The following HDAC4 variants were observed in gnomAD, a reference collection of about 807,000 sequenced individuals.
HDAC4 encodes histone deacetylase A.
A neutral mutation model predicts 135.1 loss-of-function variants in HDAC4; 16 were observed. The observed-to-expected ratio is 0.12, with a 90% confidence interval of 0.08 to 0.18. HDAC4 has a LOEUF of 0.18. Ranked by LOEUF, HDAC4 falls within the 10% of genes least tolerant of loss-of-function variation. The probability of loss-of-function intolerance (pLI) is 1.00; values close to 1 mark genes in which losing one functional copy is unlikely to be tolerated. For missense variants in HDAC4, 1,143 were observed against 1,511.8 expected, an observed-to-expected ratio of 0.76 and a Z score of 4.05; for synonymous variants, 685 against 653.4, an observed-to-expected ratio of 1.05 and a Z score of -0.74.
chr2:239,199,827 G>A (rs541771908), intron 3 of HDAC4, among the ~76,000 whole-genome samples: 6 of 151,820 alleles, frequency 4.0e-5, no homozygotes, highest in African/African-American at 9.7e-5. Context: ...TCCGCCTCCC[G>A]GGCTCACGCC....
At position 239,115,257 on chromosome 2, in the gene HDAC4, C is replaced by T; in HGVS notation, c.1587G>A (p.Glu529=). The part of the protein sequence containing the change: ...PARQPESHPE[E]TEEELREHQA... Reference sequence around the variant, plus strand: ...GGTGCTCACGGAGCTCCTCCTCCGTCTCCTCCGGGTGGCTCTCCGGCTGCC... The same window carrying T: ...GGTGCTCACGGAGCTCCTCCTCCGTTTCCTCCGGGTGGCTCTCCGGCTGCC... Residue 529 remains glutamate (E), a synonymous_variant, in exon 13 of 27, where the codon GAG becomes GAA. Transcript: ENST00000543185. The surrounding 1 kb of genome is among the most constrained non-coding windows in gnomAD (Gnocchi z 6.3). 6.2e-7 allele frequency: 1 copy of T among 1,613,244 alleles called. No homozygotes were observed. Among genetic ancestry groups the T allele is most frequent in the South Asian group, 1.1e-5 (1 of 91,060 alleles).
chr2:239,156,132 A>G (rs954607287), intron 7 of HDAC4, among the ~76,000 whole-genome samples: 4 of 152,228 alleles, frequency 2.6e-5, no homozygotes, highest in African/African-American at 9.7e-5. Context: ...CTTAGGACAG[A>G]ACTGTGGCAC....
At chr2:239,241,070 A>G (rs1303829892) in intron 2 of HDAC4, among the ~76,000 whole-genome samples, 2 of 152,202 alleles carry the variant, frequency 1.3e-5, no homozygotes, top group Non-Finnish European at 2.9e-5. Flanking sequence ...AGTGAGCACC[A>G]GCCGGAATCC....
intron 1 of HDAC4, among the ~76,000 whole-genome samples, chr2:239,354,921 A>T (rs1310309673): frequency 6.6e-6 from 1 of 152,120 alleles, no homozygotes; most frequent in Non-Finnish European, 1.5e-5. Flanking sequence ...TGGGTATAAA[A>T]ATCTTAGATC....
chr2:239,342,694 A>G (rs1196613684), intron 2 of HDAC4, among the ~76,000 whole-genome samples: 1 of 152,158 alleles, frequency 6.6e-6, no homozygotes, highest in Admixed American at 6.5e-5. Context: ...GCACTGAAGG[A>G]AAGGCAGCAA....
At chr2:239,337,346 C>T (rs150796988) in intron 2 of HDAC4, among the ~76,000 whole-genome samples, 77 of 152,282 alleles carry the variant, frequency 5.1e-4, no homozygotes, top group Non-Finnish European at 8.1e-4. Flanking sequence ...GAAACTCACA[C>T]CCTGCATAAG....
chr2:239,208,818 T>C (rs568473267), intron 3 of HDAC4, among the ~76,000 whole-genome samples: 27 of 152,334 alleles, frequency 1.8e-4, no homozygotes, highest in Middle Eastern at 6.8e-3. Context: ...ACAAGGCACC[T>C]AGAAGTATTT....
At chr2:239,148,936 C>T (rs547147940) in intron 7 of HDAC4, among the ~76,000 whole-genome samples, 10 of 152,258 alleles carry the variant, frequency 6.6e-5, no homozygotes, top group African/African-American at 2.2e-4. Flanking sequence ...GATCAACTTC[C>T]GGAAAAATTT....
At chr2:239,089,718 C>T (rs1400884566) in intron 18 of HDAC4, 1 of 405,486 alleles carries the variant, frequency 2.5e-6, no homozygotes, top group Admixed American at 4.2e-5. Context: ...TAAACAGAAG[C>T]TCTTTGGAGC....
chr2:239,299,152 A>C lies in HDAC4; in HGVS notation c.22+53526T>G, dbSNP rs911944380. On this transcript the variant is annotated intron_variant, in intron 2 of 26. Transcript: ENST00000543185. This position sits in a 1 kb window ranked among gnomAD's most constrained non-coding sequence, Gnocchi z 4.0. Reference sequence around the variant, plus strand: ...AGTGCTGGGATTACAGGCATAAGCTATTGCACCCGGCCTGTCATAGCCTAC... The same window carrying C: ...AGTGCTGGGATTACAGGCATAAGCTCTTGCACCCGGCCTGTCATAGCCTAC... Among the ~76,000 whole-genome samples, 1 of 152,004 alleles carries C rather than the reference A, an allele frequency of 6.6e-6. No homozygotes were observed. Among genetic ancestry groups the C allele is most frequent in the African/African-American group, 2.4e-5 (1 of 41,388 alleles).
At chr2:239,251,411 TA>T (rs1254715419) in intron 2 of HDAC4, among the ~76,000 whole-genome samples, 2 of 151,916 alleles carry the variant, frequency 1.3e-5, no homozygotes, top group African/African-American at 4.8e-5. Context: ...CTCAGTAACA[TA>T]ATGAGACCCT....
chr2:239,122,433 G>A (rs2039774052), intron 12 of HDAC4, among the ~76,000 whole-genome samples: 1 of 152,226 alleles, frequency 6.6e-6, no homozygotes, highest in African/African-American at 2.4e-5. Context: ...AACACGGAGG[G>A]CCAGTTTCAC....
chr2:239,214,064 C>T (rs941253094), intron 3 of HDAC4, among the ~76,000 whole-genome samples: 1 of 152,246 alleles, frequency 6.6e-6, no homozygotes, highest in Non-Finnish European at 1.5e-5. Context: ...TGACACGTTA[C>T]TATAAACTCA....
In HDAC4 at chr2:239,272,965, G is replaced by A. The variant is rs973664395; in HGVS notation, c.23-36301C>T. On this transcript the variant is annotated intron_variant, in intron 2 of 26. Coordinates refer to ENST00000543185, the MANE Select transcript of HDAC4 (RefSeq NM_001378414.1). ...GCCCACGATGAGCGGCAGAGTCAGA[G>A]ACCAGACCTGCAGGTCTGAGGGCTG... Among the ~76,000 whole-genome samples the A allele has an allele frequency of 3.3e-5, 5 of 152,272 alleles. No homozygotes were observed. In the South Asian group the frequency reaches 6.2e-4, roughly 19 times the overall value.
Position 239,059,185 on chromosome 2 carries a change from C to T in HDAC4, c.3004-4352G>A, listed in dbSNP as rs546916182. On this transcript the variant is annotated intron_variant, in intron 24 of 26. Transcript: ENST00000543185. ...GTGCTACCTATCACGATGTGAGATG[C>T]GGCTGGATGCCATGTTGGAGCCATT... is the stretch of plus-strand genomic sequence containing the variant. 9.9e-5 allele frequency among the ~76,000 whole-genome samples: 15 copies of T among 152,266 alleles called. No individual in the cohort carries two copies. The South Asian group carries it at 2.5e-3, about 25-fold the overall frequency.
chr2:239,283,441 C>T (rs1421560772), intron 2 of HDAC4, among the ~76,000 whole-genome samples: 3 of 152,178 alleles, frequency 2.0e-5, no homozygotes, highest in Non-Finnish European at 4.4e-5. Context: ...GGATCAGTGC[C>T]GACGAGGCTG....
At chr2:239,249,424 C>T (rs1444195989) in intron 2 of HDAC4, among the ~76,000 whole-genome samples, 1 of 152,138 alleles carries the variant, frequency 6.6e-6, no homozygotes, top group Non-Finnish European at 1.5e-5. Context: ...CACACTCACC[C>T]AGGTAGGGAA....
At chr2:239,359,802 A>T (rs989619409) in intron 1 of HDAC4, among the ~76,000 whole-genome samples, 1 of 152,178 alleles carries the variant, frequency 6.6e-6, no homozygotes, top group Non-Finnish European at 1.5e-5. Flanking sequence ...GGGAATCTGT[A>T]GACGAGTGGA....
rs765923203 is a variant in HDAC4 at position 239,139,641 on chromosome 2, C to T, written c.978+43G>A. On this transcript the variant is annotated intron_variant, in intron 9 of 26. Coordinates refer to ENST00000543185, the MANE Select transcript of HDAC4 (RefSeq NM_001378414.1). This position sits in a 1 kb window ranked among gnomAD's most constrained non-coding sequence, Gnocchi z 5.3. ...CATTTCAAGCTCATCCGTCCCGAGT[C>T]CGACTCTAGCCGTAGGACACAGGAC... 9.0e-6 allele frequency: 14 copies of T among 1,548,482 alleles called. No homozygotes were observed. Among genetic ancestry groups the T allele is most frequent in the East Asian group, 2.2e-5 (1 of 44,570 alleles).
Sources: gnomAD v4.1 joint callset for allele counts (sites outside exome capture counted in the v4.1 genomes callset) on GRCh38, gnomAD v4.1.1 for gene constraint, Gnocchi (gnomAD v3.1) non-coding constraint, MANE v1.5 for transcripts, NCBI Gene and HGNC (gene_info 2026-07-23, HGNC 2026-07-21) for gene names.